The following TRPC1 variants were observed in gnomAD, a reference collection of about 807,000 sequenced individuals.
TRPC1 encodes short transient receptor potential channel 1.
TRPC1 carries 42 observed loss-of-function variants against 88.2 expected under a neutral mutation model. The ratio of observed to expected loss-of-function variants is 0.48; its 90% CI spans 0.37 to 0.62. The LOEUF is 0.62. Ranked by LOEUF, TRPC1 falls within the 20% of genes least tolerant of loss-of-function variation. The probability of loss-of-function intolerance (pLI) is 0.00; values close to 1 mark genes in which losing one functional copy is unlikely to be tolerated. For missense variants in TRPC1, 699 were observed against 957.3 expected (o/e 0.73, Z 3.56); for synonymous variants, 288 against 331.8 (o/e 0.87, Z 1.43).
chr3:142,737,244 A>T, intron 2 of TRPC1, among the ~76,000 whole-genome samples: 1 of 146,476 alleles, frequency 6.8e-6, no homozygotes. Flanking sequence ...AATGAGGCAC[A>T]TTTTTTTTGA....
At chr3:142,735,995 AACTT>A (rs1218863075) in intron 1 of TRPC1, among the ~76,000 whole-genome samples, 4 of 152,124 alleles carry the variant, frequency 2.6e-5, no homozygotes, top group Admixed American at 2.6e-4. Context: ...TGAGGTATAA[AACTT>A]AATTCTTTAA....
chr3:142,754,089 C>CAA (rs10609600), intron 4 of TRPC1, among the ~76,000 whole-genome samples: 360 of 83,844 alleles, frequency 4.3e-3, no homozygotes, highest in Middle Eastern at 0.013. Flanking sequence ...GACTCCGTCT[C>CAA]AAAAAAAAAA....
chr3:142,795,323 T>A (rs888159274), intron 9 of TRPC1, among the ~76,000 whole-genome samples: 1 of 136,064 alleles, frequency 7.3e-6, no homozygotes, highest in Non-Finnish European at 1.5e-5. Flanking sequence ...ATTTTCCAAA[T>A]TTGAAGAAAA....
chr3:142,780,731 CT>C (rs1935932541), intron 5 of TRPC1, 102 bp from the exon 6 acceptor site: 2 of 1,165,594 alleles, frequency 1.7e-6, no homozygotes, highest in Admixed American at 6.0e-5. Context: ...TTGTGTAACA[CT>C]GTCAGAATTA....
chr3:142,758,425 G>T (rs1333078599), intron 4 of TRPC1, among the ~76,000 whole-genome samples: 2 of 152,132 alleles, frequency 1.3e-5, no homozygotes, highest in Non-Finnish European at 2.9e-5. Context: ...TTGGTCATTT[G>T]TATGTTTTCT....
rs372391848 is a variant in TRPC1, at chr3:142,736,541, G to C, written c.327+8G>C. 2.5e-6 allele frequency: 4 copies of C among 1,586,382 alleles called. No homozygotes were observed. Among genetic ancestry groups the C allele is most frequent in the Non-Finnish European group, 1.7e-6 (2 of 1,169,770 alleles). On this transcript the variant is annotated splice_region_variant and intron_variant, in intron 2 of 12. Transcript: ENST00000476941. ...TTGGACTACGGTTGTCAGGTACAAGGCTAGATAATTTAATCCAGTTAACTT... is the reference window on the plus strand; with the variant it reads ...TTGGACTACGGTTGTCAGGTACAAGCCTAGATAATTTAATCCAGTTAACTT...
rs1159520441 is a variant in TRPC1, at chr3:142,763,959, AATATATAT to A, written c.633-13655_633-13648del. ...GCGAGACTCCGTCTCAAAAAAAAGA[AATATATAT>A]ATATATATATATATATACACATACA... is the stretch of plus-strand genomic sequence containing the variant. On this transcript the variant is annotated intron_variant, in intron 4 of 12. Transcript: ENST00000476941. Among the ~76,000 whole-genome samples, 538 of 76,314 alleles carry A rather than the reference AATATATAT, an allele frequency of 7.0e-3. 27 individuals carry two copies. Among genetic ancestry groups the A allele is most frequent in the African/African-American group, 0.033 (501 of 15,314 alleles). 50.1% of individuals were successfully genotyped at this position (76,314 alleles called of 152,430 possible).
chr3:142,763,981 T>TATATATATATATATATATATATAC (rs1162744315), intron 4 of TRPC1, among the ~76,000 whole-genome samples: 86 of 62,556 alleles, frequency 1.4e-3, no homozygotes, highest in Non-Finnish European at 2.1e-3. Flanking sequence ...TATATATATA[T>TATATATATATATATATATATATAC]ATACACATAC....
At chr3:142,746,655 G>A (rs1934565764) in intron 3 of TRPC1, among the ~76,000 whole-genome samples, 1 of 152,184 alleles carries the variant, frequency 6.6e-6, no homozygotes, top group Non-Finnish European at 1.5e-5. Flanking sequence ...TAAATTGGGA[G>A]TGATCATGCC....
chr3:142,793,885 T>C (rs959781814), intron 9 of TRPC1: 13 of 985,348 alleles, frequency 1.3e-5, no homozygotes, highest in Middle Eastern at 1.0e-3. Context: ...TTGATTAGGC[T>C]TGTGCTGTCA....
Position 142,768,237 on chromosome 3 carries a change from C to T in TRPC1, c.633-9395C>T, listed in dbSNP as rs191810221. ...ATAGTGTTGTTTAAATATTACATAT[C>T]GCTACTGGTTTTCTATCAATTTCTG... On this transcript the variant is annotated intron_variant, in intron 4 of 12. Transcript: ENST00000476941. 3.3e-3 allele frequency among the ~76,000 whole-genome samples: 504 copies of T among 152,096 alleles called. 11 individuals carry two copies. The highest frequency in any genetic ancestry group is 0.012 in the African/African-American group (488 of 41,528).
intron 2 of TRPC1, among the ~76,000 whole-genome samples, chr3:142,742,467 A>G (rs554592349): frequency 1.9e-4 from 29 of 152,224 alleles, no homozygotes; most frequent in African/African-American, 6.0e-4. Flanking sequence ...GCATAGTCCT[A>G]TTTTTAGATA....
At chr3:142,777,003 AT>A (rs1214924160) in intron 4 of TRPC1, among the ~76,000 whole-genome samples, 1 of 151,700 alleles carries the variant, frequency 6.6e-6, no homozygotes, top group African/African-American at 2.4e-5. Flanking sequence ...TTATTAGCAT[AT>A]TTTATTTAAA....
intron 2 of TRPC1, among the ~76,000 whole-genome samples, chr3:142,741,142 T>G (rs1181349396): frequency 8.0e-6 from 1 of 125,664 alleles, no homozygotes; most frequent in African/African-American, 3.0e-5. Context: ...TCGTCAAATA[T>G]CTGAGAAATT....
chr3:142,759,017 A>T (rs1209641399), intron 4 of TRPC1, among the ~76,000 whole-genome samples: 1 of 151,760 alleles, frequency 6.6e-6, no homozygotes, highest in African/African-American at 2.4e-5. Context: ...ATCCTTTTTT[A>T]TGGCTGCATA....
At chr3:142,756,220 G>C (rs1392607396) in intron 4 of TRPC1, among the ~76,000 whole-genome samples, 2 of 152,122 alleles carry the variant, frequency 1.3e-5, no homozygotes, top group African/African-American at 2.4e-5. Flanking sequence ...ACAAGTCTTT[G>C]TGCGGACATG....
At position 142,724,680 on chromosome 3, in the gene TRPC1, A is replaced by C; in HGVS notation, c.121A>C (p.Lys41Gln). 1 of 1,610,568 alleles carries C rather than the reference A, an allele frequency of 6.2e-7. No homozygotes were observed. Among genetic ancestry groups the C allele is most frequent in the South Asian group, 1.1e-5 (1 of 90,928 alleles). Residue 41 changes from lysine (K) to glutamine (Q), a missense_variant, in exon 1 of 13, where the codon AAG becomes CAG. By Grantham distance (53) the Lys-to-Gln change is moderately conservative. Around this residue, in one of 4 missense-constraint regions of TRPC1, gnomAD observed 157 missense variants for 127.0 expected, o/e 1.24. Transcript: ENST00000476941. The surrounding 1 kb of genome is among the most constrained non-coding windows in gnomAD (Gnocchi z 5.6). ...GGCGCTGAAGGATGTGCGGGAGGTGAAGGAGGAGAATACGCTGAATGAGAA... is the reference window on the plus strand; with the variant it reads ...GGCGCTGAAGGATGTGCGGGAGGTGCAGGAGGAGAATACGCTGAATGAGAA... ...VMALKDVREVKEENTLNEKLF... is the reference protein window; with the variant it reads ...VMALKDVREVQEENTLNEKLF...
In TRPC1 at chr3:142,804,534, C is replaced by G; in HGVS notation, c.2058C>G (p.Pro686=). The change falls in exon 12 of 13, where the codon CCC becomes CCG. Residue 686 remains proline (P), a synonymous_variant. Transcript: ENST00000476941. ...TACCTCCACCTTTCAACATCATTCC[C>G]TCACCAAAGACTATCTGCTATATGA... ...CTLPPPFNII[P]SPKTICYMIS... is the part of the protein sequence containing the mutation. The G allele has an allele frequency of 1.2e-6, 2 of 1,613,726 alleles. No homozygotes were observed. The highest frequency in any genetic ancestry group is 2.2e-5 in the South Asian group (2 of 91,046).
At chr3:142,757,478 A>G (rs963791359) in intron 4 of TRPC1, among the ~76,000 whole-genome samples, 2 of 152,202 alleles carry the variant, frequency 1.3e-5, no homozygotes, top group Admixed American at 6.5e-5. Flanking sequence ...GCATGTAGAC[A>G]TGAATTCATG....
Sources: allele counts gnomAD v4.1 joint callset (sites outside exome capture counted in the v4.1 genomes callset), GRCh38; gene constraint gnomAD v4.1.1; regional missense constraint gnomAD v4.1.1; non-coding constraint Gnocchi (gnomAD v3.1); transcripts MANE v1.5; gene names NCBI Gene and HGNC (gene_info 2026-07-23, HGNC 2026-07-21).